The following HEMK2 variants were observed in gnomAD, a reference collection of about 807,000 sequenced individuals.
The protein encoded by HEMK2 is methyltransferase HEMK2.
At chr21:28,587,243 C>A in the HEMK2 span, among the ~76,000 whole-genome samples, 1 of 151,414 alleles carries the variant, frequency 6.6e-6, no homozygotes, top group South Asian at 2.1e-4. Context: ...ACTACTCATG[C>A]CAATTTTTAC....
At chr21:28,878,194 G>C in the HEMK2 span, 7 of 1,573,516 alleles carry the variant, frequency 4.4e-6, no homozygotes, top group Admixed American at 7.7e-5. Context: ...TGTATTACCT[G>C]GGTTGTTTTC....
At chr21:28,580,517 T>A in the HEMK2 span, among the ~76,000 whole-genome samples, 1 of 145,130 alleles carries the variant, frequency 6.9e-6, no homozygotes, top group Non-Finnish European at 1.5e-5. Flanking sequence ...ATCTCAGCCA[T>A]TTTTACCAAG....
At chr21:28,604,330 G>A in the HEMK2 span, among the ~76,000 whole-genome samples, 2 of 152,132 alleles carry the variant, frequency 1.3e-5, no homozygotes, top group African/African-American at 4.8e-5. Flanking sequence ...GTTGATAGGT[G>A]CAGCAAACCA....
At chr21:28,752,253 A>C in the HEMK2 span, among the ~76,000 whole-genome samples, 1 of 152,234 alleles carries the variant, frequency 6.6e-6, no homozygotes, top group Non-Finnish European at 1.5e-5. Context: ...AATAACTGGA[A>C]GGAGCATCAT....
At chr21:28,630,235 T>C in the HEMK2 span, among the ~76,000 whole-genome samples, 3 of 152,124 alleles carry the variant, frequency 2.0e-5, no homozygotes, top group African/African-American at 7.2e-5. Context: ...TGCGATACCA[T>C]CTCACACCAG....
At chr21:28,762,511 C>A in the HEMK2 span, among the ~76,000 whole-genome samples, 4 of 151,978 alleles carry the variant, frequency 2.6e-5, no homozygotes, top group South Asian at 6.2e-4. Context: ...AAAATTAACT[C>A]CAGAGAGAGT....
chr21:28,874,734 TTCAG>T, the HEMK2 span: 3 of 152,260 alleles, frequency 2.0e-5, no homozygotes, highest in South Asian at 6.2e-4. Context: ...TTTTTGCCCA[TTCAG>T]TGTCTATCCA....
chr21:28,730,777 A>G, the HEMK2 span, among the ~76,000 whole-genome samples: 2 of 152,170 alleles, frequency 1.3e-5, no homozygotes, highest in Admixed American at 6.5e-5. Context: ...TTTACAACCT[A>G]ATCTCAGAAG....
chr21:28,783,886 G>A, the HEMK2 span, among the ~76,000 whole-genome samples: 1 of 152,198 alleles, frequency 6.6e-6, no homozygotes, highest in Non-Finnish European at 1.5e-5. Flanking sequence ...GGCAGTGAGG[G>A]GCTTAGCACC....
chr21:28,645,251 T>A, the HEMK2 span, among the ~76,000 whole-genome samples: 1 of 152,078 alleles, frequency 6.6e-6, no homozygotes, highest in East Asian at 1.9e-4. Context: ...TTAGGGAGGG[T>A]CTCAGATAAG....
the HEMK2 span, among the ~76,000 whole-genome samples, chr21:28,656,976 T>C: frequency 1.3e-5 from 2 of 152,112 alleles, no homozygotes; most frequent in African/African-American, 4.8e-5. Flanking sequence ...TTCTGTTTCA[T>C]AGTAAGTGCT....
chr21:28,636,532 T>C, the HEMK2 span, among the ~76,000 whole-genome samples: 6 of 152,162 alleles, frequency 3.9e-5, no homozygotes, highest in African/African-American at 9.7e-5. Context: ...ACCCTAAGCA[T>C]GCCTGTCTAA....
the HEMK2 span, among the ~76,000 whole-genome samples, chr21:28,639,607 A>G: frequency 6.6e-6 from 1 of 152,312 alleles, no homozygotes; most frequent in Admixed American, 6.5e-5. Flanking sequence ...AATAAGGTGG[A>G]TTTTATAACC....
chr21:28,810,740 T>C, the HEMK2 span, among the ~76,000 whole-genome samples: 2 of 152,128 alleles, frequency 1.3e-5, no homozygotes, highest in Non-Finnish European at 2.9e-5. Flanking sequence ...TCCCCAAAAA[T>C]ACTCATTCTT....
chr21:28,789,574 G>T, the HEMK2 span, among the ~76,000 whole-genome samples: 2 of 152,196 alleles, frequency 1.3e-5, no homozygotes, highest in African/African-American at 4.8e-5. Flanking sequence ...AATGCCTTGG[G>T]GTAGAAGTAG....
the HEMK2 span, among the ~76,000 whole-genome samples, chr21:28,650,506 T>C: frequency 6.6e-6 from 1 of 152,182 alleles, no homozygotes; most frequent in Non-Finnish European, 1.5e-5. Flanking sequence ...GGAAGCATAA[T>C]GTATGAAGTG....
the HEMK2 span, among the ~76,000 whole-genome samples, chr21:28,654,531 A>C: frequency 6.6e-6 from 1 of 152,250 alleles, no homozygotes. Context: ...GGAAAGCATA[A>C]GAATTGTTTC....
the HEMK2 span, chr21:28,885,137 G>T: frequency 1.2e-4 from 171 of 1,453,808 alleles, 1 homozygote; most frequent in South Asian, 2.2e-3. Context: ...GATAGTCACC[G>T]TTCCGGCCCT....
the HEMK2 span, among the ~76,000 whole-genome samples, chr21:28,776,054 T>A: frequency 6.6e-6 from 1 of 152,080 alleles, no homozygotes; most frequent in African/African-American, 2.4e-5. Flanking sequence ...AGTTATAGGT[T>A]TTAACCCCTT....
Sources: allele counts gnomAD v4.1 joint callset (sites outside exome capture counted in the v4.1 genomes callset), GRCh38; gene constraint gnomAD v4.1.1; transcripts MANE v1.5; gene names NCBI Gene and HGNC (gene_info 2026-07-23, HGNC 2026-07-21).